DPYSL2: variants seen among roughly 807,000 people sequenced by gnomAD.
The protein encoded by DPYSL2 is dihydropyrimidinase-related protein 2.
Under a neutral mutation model 69.9 loss-of-function variants are expected in DPYSL2, and 13 were observed. The ratio of observed to expected loss-of-function variants is 0.19; its 90% CI spans 0.12 to 0.30. The LOEUF is 0.30. Among genes scored for constraint, DPYSL2 ranks in the 10% least tolerant of loss-of-function variants. DPYSL2 has a pLI of 1.00. For missense variants in DPYSL2, 587 were observed against 918.9 expected, an observed-to-expected ratio of 0.64 and a Z score of 4.67; for synonymous variants, 326 against 359.1, an observed-to-expected ratio of 0.91 and a Z score of 1.04.
In DPYSL2 at chr8:26,591,273, G is replaced by A. The variant is rs376624644; in HGVS notation, c.628+7290G>A. Among the ~76,000 whole-genome samples the A allele has an allele frequency of 2.6e-5, 4 of 152,334 alleles. No homozygotes were observed. Among genetic ancestry groups the A allele is most frequent in the South Asian group, 4.1e-4 (2 of 4,830 alleles). ...GCTGGCCTGATTGACAGCTGGAACC[G>A]GGAGTGGAGGTGGGGCCCATGGGAA... On this transcript the variant is annotated intron_variant, in intron 3 of 13. Transcript: ENST00000521913. The surrounding 1 kb of genome is among the most constrained non-coding windows in gnomAD (Gnocchi z 5.8).
intron 11 of DPYSL2, among the ~76,000 whole-genome samples, chr8:26,649,081 C>T (rs1475136798): frequency 6.6e-6 from 1 of 152,254 alleles, no homozygotes; most frequent in Non-Finnish European, 1.5e-5. Flanking sequence ...TGTAACTTCA[C>T]ATTCTCATTG....
In DPYSL2 at chr8:26,653,193, G is replaced by A. The variant is rs780717921; in HGVS notation, c.1777-39G>A. On this transcript the variant is annotated intron_variant, in intron 12 of 13. Coordinates refer to ENST00000521913, the MANE Select transcript of DPYSL2 (RefSeq NM_001197293.3). This position sits in a 1 kb window ranked among gnomAD's most constrained non-coding sequence, Gnocchi z 5.7. ...GGGTTTCTAGAGAGGTATCCTCTGTGGCTGTGGCCTGAGCTGGGGGGACTC... is the reference window on the plus strand; with the variant it reads ...GGGTTTCTAGAGAGGTATCCTCTGTAGCTGTGGCCTGAGCTGGGGGGACTC... The A allele has an allele frequency of 1.6e-5, 26 of 1,603,016 alleles. No homozygotes were observed. The Middle Eastern group carries it at 6.7e-4, about 41-fold the overall frequency.
Position 26,621,127 on chromosome 8 carries a change from G to A in DPYSL2, c.629-3016G>A, listed in dbSNP as rs189092420. Among the ~76,000 whole-genome samples the A allele has an allele frequency of 2.1e-3, 325 of 152,144 alleles. No homozygotes were observed. Among genetic ancestry groups the A allele is most frequent in the Non-Finnish European group, 3.6e-3 (242 of 68,010 alleles). On this transcript the variant is annotated intron_variant, in intron 3 of 13. Coordinates refer to ENST00000521913, the MANE Select transcript of DPYSL2 (RefSeq NM_001197293.3). The surrounding 1 kb of genome is among the most constrained non-coding windows in gnomAD (Gnocchi z 4.9). ...TAAACCACTTTAAAACTTTTTGGGG[G>A]AAGAAAGTGGACTATAGATAAAGAA... is the stretch of plus-strand genomic sequence containing the variant.
In DPYSL2 at chr8:26,643,583, C is replaced by T; in HGVS notation, c.1271C>T (p.Ser424Phe). The T allele has an allele frequency of 6.2e-7, 1 of 1,614,196 alleles. No homozygotes were observed. The highest frequency in any genetic ancestry group is 8.5e-7 in the Non-Finnish European group (1 of 1,180,024). ...CCAACCACTCCAGACTTTCTCAACT[C>T]CTTGCTGTCCTGGTGAGTCCTGGCG... is the stretch of plus-strand genomic sequence containing the variant. ...PDPTTPDFLN[S>F]LLSCGDLQVT... The change falls in exon 9 of 14, where the codon TCC becomes TTC. Residue 424 changes from serine to phenylalanine, a missense_variant. Ser to Phe is a radical substitution (Grantham distance 155, BLOSUM62 -2). Coordinates refer to ENST00000521913, the MANE Select transcript of DPYSL2 (RefSeq NM_001197293.3). The surrounding 1 kb of genome is among the most constrained non-coding windows in gnomAD (Gnocchi z 6.5).
chr8:26,570,741 G>GAAAAAAAAAAAAAAAAAAAAAAAAA (rs572040580), intron 1 of DPYSL2, among the ~76,000 whole-genome samples: 1 of 108,302 alleles, frequency 9.2e-6, no homozygotes. Flanking sequence ...CTTAGAAAAG[G>GAAAAAAAAAAAAAAAAAAAAAAAAA]AAAAAAAAAA....
rs895366675 is a variant in DPYSL2, at chr8:26,580,764, C to A, written c.355-1205C>A. 3.3e-5 allele frequency among the ~76,000 whole-genome samples: 5 copies of A among 152,138 alleles called. No homozygotes were observed. The highest frequency in any genetic ancestry group is 1.2e-4 in the African/African-American group (5 of 41,426). ...TAACTATTGCCAAAAGAATGTCATTCTTTGAAATGTGTTGCATATTAAAAG... is the reference window on the plus strand; with the variant it reads ...TAACTATTGCCAAAAGAATGTCATTATTTGAAATGTGTTGCATATTAAAAG... On this transcript the variant is annotated intron_variant, in intron 1 of 13. Transcript: ENST00000521913. This position sits in a 1 kb window ranked among gnomAD's most constrained non-coding sequence, Gnocchi z 4.1.
intron 3 of DPYSL2, among the ~76,000 whole-genome samples, chr8:26,601,028 A>G (rs1210199396): frequency 6.6e-6 from 1 of 152,220 alleles, no homozygotes; most frequent in Non-Finnish European, 1.5e-5. Flanking sequence ...AGGCACTCTC[A>G]GCCATGATAT....
intron 3 of DPYSL2, among the ~76,000 whole-genome samples, chr8:26,600,099 A>C (rs2083739): frequency 0.23 from 35,414 of 152,164 alleles, 4,438 homozygotes; most frequent in African/African-American, 0.31. Context: ...ATACTTCATG[A>C]CTTTTTATGG....
rs1585580036 is a variant in DPYSL2, at chr8:26,657,908, C to G, written c.*2202C>G. On this transcript the variant is annotated 3_prime_UTR_variant, in exon 14 of 14. Coordinates refer to ENST00000521913, the MANE Select transcript of DPYSL2 (RefSeq NM_001197293.3). ...TCGACAGTGTCTCAGAACTGAATAA[C>G]TGCAGTGACTTGATGCTCTAAAACA... 6.5e-6 allele frequency: 1 copy of G among 152,722 alleles called. No individual in the cohort carries two copies. The highest frequency in any genetic ancestry group is 1.9e-4 in the East Asian group (1 of 5,186). 9.5% of individuals were successfully genotyped at this position (152,722 alleles called of 1,614,324 possible). A position where few individuals can be genotyped will look rare whatever the true frequency, so the allele number is the denominator to read the frequency against.
intron 1 of DPYSL2, among the ~76,000 whole-genome samples, chr8:26,567,588 C>G (rs1269853567): frequency 6.6e-6 from 1 of 152,210 alleles, no homozygotes; most frequent in African/African-American, 2.4e-5. Flanking sequence ...GGCACTCTGC[C>G]AAGAGTCTGT....
At chr8:26,581,314 T>G (rs1194049394) in intron 1 of DPYSL2, among the ~76,000 whole-genome samples, 1 of 152,040 alleles carries the variant, frequency 6.6e-6, no homozygotes, top group Non-Finnish European at 1.5e-5. Context: ...TGGTTTTTTT[T>G]GTTGTTGTTT....
At chr8:26,596,635 A>G (rs538601817) in intron 3 of DPYSL2, among the ~76,000 whole-genome samples, 37 of 152,318 alleles carry the variant, frequency 2.4e-4, no homozygotes, top group African/African-American at 8.7e-4. Context: ...CCCTGCATAC[A>G]CCATTTCTAA....
At position 26,575,967 on chromosome 8, in the gene DPYSL2, T is replaced by C. The variant is rs563752726; in HGVS notation, c.355-6002T>C. ...AGAGGCCAAGTAGAAAGGCGTATTT[T>C]AAGCTTTCTCAGACTCGTGACTTTA... is the stretch of plus-strand genomic sequence containing the variant. On this transcript the variant is annotated intron_variant, in intron 1 of 13. Coordinates refer to ENST00000521913, the MANE Select transcript of DPYSL2 (RefSeq NM_001197293.3). Among the ~76,000 whole-genome samples the C allele has an allele frequency of 3.3e-5, 5 of 152,340 alleles. No individual in the cohort carries two copies. In the South Asian group the frequency reaches 8.3e-4, roughly 25 times the overall value.
At position 26,655,848 on chromosome 8, in the gene DPYSL2, G is replaced by A. The variant is rs373100566; in HGVS notation, c.*142G>A. The A allele has an allele frequency of 5.4e-4, 461 of 846,756 alleles. No individual in the cohort carries two copies. Among genetic ancestry groups the A allele is most frequent in the Middle Eastern group, 2.7e-3 (7 of 2,622 alleles). 52.5% of individuals were successfully genotyped at this position (846,756 alleles called of 1,614,324 possible). ...GTTACTGTGGAGCAGCCAGTTCATG[G>A]GGTCCCCCTTGGGGCCCCACACCCC... On this transcript the variant is annotated 3_prime_UTR_variant, in exon 14 of 14. Transcript: ENST00000521913.
In DPYSL2 at chr8:26,624,173, G is replaced by A; in HGVS notation, c.659G>A (p.Ser220Asn). The change falls in exon 4 of 14, where the codon AGC becomes AAC. Residue 220 changes from serine (S) to asparagine (N), a missense_variant. Coordinates refer to ENST00000521913, the MANE Select transcript of DPYSL2 (RefSeq NM_001197293.3). The surrounding 1 kb of genome is among the most constrained non-coding windows in gnomAD (Gnocchi z 4.7). ...IDHVVPEPGTSLLAAFDQWRE... is the reference protein window; with the variant it reads ...IDHVVPEPGTNLLAAFDQWRE... ...CACGTTGTTCCTGAGCCTGGGACAA[G>A]CCTGCTCGCTGCCTTTGACCAGTGG... The A allele has an allele frequency of 6.2e-7, 1 of 1,614,204 alleles. No homozygotes were observed. Among genetic ancestry groups the A allele is most frequent in the South Asian group, 1.1e-5 (1 of 91,086 alleles).
rs371902401 is a variant in DPYSL2, at chr8:26,534,881, C to T, written c.354+20202C>T. 4.6e-5 allele frequency among the ~76,000 whole-genome samples: 7 copies of T among 152,276 alleles called. No homozygotes were observed. The East Asian group carries it at 7.7e-4, about 17-fold the overall frequency. ...CTCCTGACCTCAAGTAATCTTCCCA[C>T]CTCAGCCTCCCAAAACACTGGGATT... is the stretch of plus-strand genomic sequence containing the variant. On this transcript the variant is annotated intron_variant, in intron 1 of 13. Transcript: ENST00000521913.
chr8:26,520,508 T>C (rs1808367968), intron 1 of DPYSL2, among the ~76,000 whole-genome samples: 1 of 152,092 alleles, frequency 6.6e-6, no homozygotes, highest in Non-Finnish European at 1.5e-5. Flanking sequence ...TTGGAGCCAT[T>C]TATAAAATGG....
rs995600602 is a variant in DPYSL2 at position 26,588,676 on chromosome 8, C to G, written c.628+4693C>G. 2.0e-5 allele frequency among the ~76,000 whole-genome samples: 3 copies of G among 152,114 alleles called. No homozygotes were observed. Among genetic ancestry groups the G allele is most frequent in the African/African-American group, 7.2e-5 (3 of 41,412 alleles). On this transcript the variant is annotated intron_variant, in intron 3 of 13. Coordinates refer to ENST00000521913, the MANE Select transcript of DPYSL2 (RefSeq NM_001197293.3). The surrounding 1 kb of genome is among the most constrained non-coding windows in gnomAD (Gnocchi z 5.4). ...CTGCCGCAGGGCTGGAAGGGGCCCTCCCTCCTGAGTACCAGCCTTGTCACT... is the reference window on the plus strand; with the variant it reads ...CTGCCGCAGGGCTGGAAGGGGCCCTGCCTCCTGAGTACCAGCCTTGTCACT...
intron 1 of DPYSL2, among the ~76,000 whole-genome samples, chr8:26,532,099 T>C (rs1469171196): frequency 2.0e-5 from 3 of 151,982 alleles, no homozygotes; most frequent in East Asian, 3.9e-4. Context: ...GCAGGACTGA[T>C]AGAGATAGGA....
Sources: gnomAD v4.1 joint callset for allele counts (sites outside exome capture counted in the v4.1 genomes callset) on GRCh38, gnomAD v4.1.1 for gene constraint, Gnocchi (gnomAD v3.1) non-coding constraint, MANE v1.5 for transcripts, NCBI Gene and HGNC (gene_info 2026-07-23, HGNC 2026-07-21) for gene names.